The following COL11A1 variants were observed in gnomAD, a reference collection of about 807,000 sequenced individuals.
The protein encoded by COL11A1 is collagen alpha-1(XI) chain.
COL11A1 carries 74 observed loss-of-function variants against 265.2 expected under a neutral mutation model. The observed-to-expected ratio is 0.28, with a 90% CI of 0.23 to 0.34. The LOEUF (loss-of-function observed/expected upper bound fraction) is 0.34. Among genes scored for constraint, COL11A1 ranks in the 10% least tolerant of loss-of-function variants. The pLI, the probability that COL11A1 is intolerant of heterozygous loss-of-function variation, is 1.00. For synonymous variants in COL11A1, 816 were observed against 727.6 expected (o/e 1.12, Z -1.96); for missense variants, 2,165 against 2,263.6 (o/e 0.96, Z 0.88).
intron 54 of COL11A1, among the ~76,000 whole-genome samples, chr1:102,909,889 A>G (rs2101002166): frequency 2.0e-5 from 3 of 151,328 alleles, no homozygotes; most frequent in Admixed American, 6.6e-5. Context: ...AAACACAAAT[A>G]TATTTTAAAA....
chr1:103,057,042 C>G (rs1255264065), intron 4 of COL11A1, among the ~76,000 whole-genome samples: 1 of 152,050 alleles, frequency 6.6e-6, no homozygotes, highest in East Asian at 1.9e-4. Flanking sequence ...ATGAAGTTTG[C>G]CACATCAATT....
intron 7 of COL11A1, among the ~76,000 whole-genome samples, chr1:103,024,333 T>C (rs1667350395): frequency 6.6e-6 from 1 of 152,188 alleles, no homozygotes; most frequent in Non-Finnish European, 1.5e-5. Context: ...GATCTTATTG[T>C]ATTGCCTAGG....
chr1:103,087,929 A>T (rs1474818205), intron 1 of COL11A1, among the ~76,000 whole-genome samples: 1 of 152,236 alleles, frequency 6.6e-6, no homozygotes, highest in Non-Finnish European at 1.5e-5. Context: ...AATATATGGA[A>T]GGAACTTCCT....
In COL11A1 at chr1:102,896,717, G is replaced by A. The variant is rs151199516; in HGVS notation, c.4302+1408C>T. On this transcript the variant is annotated intron_variant, in intron 57 of 66. Transcript: ENST00000370096. ...AAAAGTTTGTATGCCAAATCAGGTG[G>A]TATGTCAGAAGGTTTTATTTTTAAT... Among the ~76,000 whole-genome samples, 887 of 152,266 alleles carry A rather than the reference G, an allele frequency of 5.8e-3. 9 individuals are homozygous for A. The highest frequency in any genetic ancestry group is 8.3e-3 in the Non-Finnish European group (567 of 68,008).
chr1:103,106,329 A>G (rs1367965194), intron 1 of COL11A1, among the ~76,000 whole-genome samples: 1 of 152,206 alleles, frequency 6.6e-6, no homozygotes, highest in African/African-American at 2.4e-5. Context: ...AATTTTCAAT[A>G]AATAGCTGCC....
At chr1:103,071,467 C>CTT (rs869263393) in intron 4 of COL11A1, among the ~76,000 whole-genome samples, 551 of 49,898 alleles carry the variant, frequency 0.011, 122 homozygotes, top group East Asian at 0.037. Context: ...GTTGGTAGGA[C>CTT]TTTTTTTTTT....
intron 4 of COL11A1, among the ~76,000 whole-genome samples, chr1:103,047,266 A>C (rs912980187): frequency 1.3e-5 from 2 of 152,116 alleles, no homozygotes; most frequent in South Asian, 4.2e-4. Flanking sequence ...ATTTGTTTGT[A>C]TCCTCTTTTA....
chr1:103,022,010 C>A (rs779762097), intron 8 of COL11A1, among the ~76,000 whole-genome samples: 7 of 69,592 alleles, frequency 1.0e-4, no homozygotes, highest in Non-Finnish European at 1.8e-4. Context: ...CCACACCTAG[C>A]TAATTTTTTT....
At chr1:103,068,639 T>C (rs954283463) in intron 4 of COL11A1, among the ~76,000 whole-genome samples, 1 of 151,442 alleles carries the variant, frequency 6.6e-6, no homozygotes, top group East Asian at 1.9e-4. Context: ...GTAAAAAGCA[T>C]AAAGATAGAA....
At chr1:103,093,801 G>A (rs1445747963) in intron 1 of COL11A1, among the ~76,000 whole-genome samples, 1 of 152,124 alleles carries the variant, frequency 6.6e-6, no homozygotes, top group Non-Finnish European at 1.5e-5. Flanking sequence ...TGACAAAGGT[G>A]TTCAAGTGGT....
chr1:103,105,025 G>A (rs1674581753), intron 1 of COL11A1, among the ~76,000 whole-genome samples: 1 of 151,892 alleles, frequency 6.6e-6, no homozygotes, highest in African/African-American at 2.4e-5. Context: ...ATACAGTATT[G>A]GCTTAACTGC....
At chr1:103,094,797 G>T (rs1300122209) in intron 1 of COL11A1, among the ~76,000 whole-genome samples, 2 of 151,838 alleles carry the variant, frequency 1.3e-5, no homozygotes, top group Non-Finnish European at 2.9e-5. Flanking sequence ...TGTCAATAAG[G>T]CTTCCCATGA....
rs990402514 is a variant in COL11A1 at position 103,082,870 on chromosome 1, G to A, written c.209C>T (p.Ser70Leu). The A allele has an allele frequency of 1.2e-6, 2 of 1,613,680 alleles. No homozygotes were observed. Residue 70 changes from serine to leucine, a missense_variant, in exon 2 of 67, where the codon TCA becomes TTA. Physicochemically the swap from Ser to Leu is moderately radical, Grantham distance 145. Coordinates refer to ENST00000370096, the MANE Select transcript of COL11A1 (RefSeq NM_001854.4). ...CTTTGAAACTCTGTAAGCAGTATCT[G>A]AGCCTTTAGAATTCTTTCTGTTTGT... ...FCTNRKNSKG[S>L]DTAYRVSKQA...
intron 4 of COL11A1, among the ~76,000 whole-genome samples, chr1:103,067,001 C>T (rs1207456645): frequency 1.3e-5 from 2 of 151,744 alleles, no homozygotes; most frequent in Non-Finnish European, 2.9e-5. Context: ...TAAATGTGCA[C>T]ATGCCTGAGA....
rs188353561 is a variant in COL11A1, at chr1:102,905,234, G to A, written c.4087-6240C>T. ...ACCAGGGACTGTTGTGGGGTGGGGG[G>A]AGGGGGGAGGGATAGCATTAGGAGA... On this transcript the variant is annotated intron_variant, in intron 54 of 66. Transcript: ENST00000370096. Among the ~76,000 whole-genome samples the A allele has an allele frequency of 6.9e-5, 7 of 100,744 alleles. No homozygotes were observed. In the East Asian group the frequency reaches 1.8e-3, roughly 26 times the overall value. 66.1% of individuals were successfully genotyped at this position (100,744 alleles called of 152,430 possible).
chr1:103,086,516 A>G (rs1441695718), intron 1 of COL11A1, among the ~76,000 whole-genome samples: 1 of 152,066 alleles, frequency 6.6e-6, no homozygotes, highest in Non-Finnish European at 1.5e-5. Flanking sequence ...TCCCAGGTTC[A>G]CGCCACTCTC....
Position 102,914,722 on chromosome 1 carries a change from A to C in COL11A1, c.3906T>G (p.Asp1302Glu). The change falls in exon 51 of 67, where the codon GAT becomes GAG. Residue 1302 changes from aspartate to glutamate, a missense_variant. By Grantham distance (45) the Asp-to-Glu change is conservative. Transcript: ENST00000370096. ...CACTTACCGGGTTACCCTTAGGGCC[A>C]TCATCACCTGGTGGCCCCTTGGCAC... ...PPGAKGPPGD[D>E]GPKGNPGPVG... 1 of 1,613,268 alleles carries C rather than the reference A, an allele frequency of 6.2e-7. No homozygotes were observed. The highest frequency in any genetic ancestry group is 8.5e-7 in the Non-Finnish European group (1 of 1,179,786).
chr1:102,917,439 A>C (rs1226626464), intron 49 of COL11A1, among the ~76,000 whole-genome samples: 1 of 151,976 alleles, frequency 6.6e-6, no homozygotes, highest in Non-Finnish European at 1.5e-5. Flanking sequence ...CAAATAATTC[A>C]TGACTAAGAC....
chr1:103,066,131 A>G (rs1232982708), intron 4 of COL11A1, among the ~76,000 whole-genome samples: 1 of 152,182 alleles, frequency 6.6e-6, no homozygotes, highest in East Asian at 1.9e-4. Context: ...TCTGTTGTAT[A>G]AGAAATGTTA....
Sources: gnomAD v4.1 joint callset for allele counts (sites outside exome capture counted in the v4.1 genomes callset) on GRCh38, gnomAD v4.1.1 for gene constraint, MANE v1.5 for transcripts, NCBI Gene and HGNC (gene_info 2026-07-23, HGNC 2026-07-21) for gene names.